NNMT: variants seen among roughly 807,000 people sequenced by gnomAD.
NNMT encodes nicotinamide N-methyltransferase.
In NNMT, 10 loss-of-function variants were observed where a neutral mutation model predicts 11.7. That is an observed-to-expected ratio of 0.85 (90% CI 0.53 to 1.45). NNMT has a LOEUF of 1.45. Ranked by LOEUF, NNMT falls within the 40% of genes most tolerant of loss-of-function variation. NNMT has a pLI of 0.00. For missense variants in NNMT, 381 were observed against 319.4 expected (o/e 1.19, Z -1.47); for synonymous variants, 143 against 133.8 (o/e 1.07, Z -0.48).
chr11:114,258,424 G>A (rs975804160), intron 1 of NNMT, among the ~76,000 whole-genome samples: 3 of 152,224 alleles, frequency 2.0e-5, no homozygotes, highest in Admixed American at 2.0e-4. Context: ...GTTGCAGCCC[G>A]TGAGAAGAGG....
chr11:114,299,768 T>G (rs993901064), intron 2 of NNMT, among the ~76,000 whole-genome samples: 3 of 151,238 alleles, frequency 2.0e-5, no homozygotes, highest in African/African-American at 7.3e-5. Context: ...TTTGTCCTTT[T>G]TATCTTGGTT....
chr11:114,270,472 A>G (rs1379714521), intron 2 of NNMT: 1 of 152,070 alleles, frequency 6.6e-6, no homozygotes, highest in Non-Finnish European at 1.5e-5. Flanking sequence ...GCAGAGGGAG[A>G]GTGATTTCCC....
chr11:114,293,986 A>T (rs963525739), upstream of NNMT, among the ~76,000 whole-genome samples: 1 of 152,190 alleles, frequency 6.6e-6, no homozygotes. Flanking sequence ...ATTTGCAATA[A>T]CATGGATGGA....
chr11:114,287,716 T>G (rs1945308948), intron 2 of NNMT, among the ~76,000 whole-genome samples: 1 of 152,202 alleles, frequency 6.6e-6, no homozygotes, highest in African/African-American at 2.4e-5. Context: ...GAGTAACTAC[T>G]CTTGGCCCTT....
chr11:114,275,433 C>G (rs920602626), intron 2 of NNMT, among the ~76,000 whole-genome samples: 1 of 152,158 alleles, frequency 6.6e-6, no homozygotes, highest in African/African-American at 2.4e-5. Context: ...ATGGACCAGG[C>G]AGAGAAAGAA....
At chr11:114,303,020 T>C (rs1226361217) in intron 2 of NNMT, among the ~76,000 whole-genome samples, 7 of 152,348 alleles carry the variant, frequency 4.6e-5, no homozygotes, top group Admixed American at 2.0e-4. Flanking sequence ...TAAATTTCTG[T>C]TGTTTATGAG....
chr11:114,298,229 G>A, intron 2 of NNMT, 71 bp downstream of exon 2: 1 of 1,326,784 alleles, frequency 7.5e-7, no homozygotes, highest in Non-Finnish European at 1.1e-6. Context: ...GCAACAGACA[G>A]ATAGGGACCA....
intron 2 of NNMT, among the ~76,000 whole-genome samples, chr11:114,273,617 A>G (rs958680978): frequency 2.6e-5 from 4 of 152,158 alleles, no homozygotes; most frequent in Admixed American, 6.5e-5. Flanking sequence ...GGGTGGGTGG[A>G]TCACCTGAGG....
chr11:114,290,641 C>T (rs1028504533), intron 2 of NNMT, among the ~76,000 whole-genome samples: 2 of 152,188 alleles, frequency 1.3e-5, no homozygotes, highest in African/African-American at 4.8e-5. Flanking sequence ...GAATCACCCA[C>T]ATGTTGGCCT....
At chr11:114,307,871 C>T (rs548303535) in intron 2 of NNMT, among the ~76,000 whole-genome samples, 39 of 152,052 alleles carry the variant, frequency 2.6e-4, no homozygotes, top group African/African-American at 9.2e-4. Context: ...AGGAGCTTTT[C>T]CTGATCCTCT....
rs531330345 is a variant in NNMT, at chr11:114,266,124, C to T, written c.-130+3190C>T. On this transcript the variant is annotated intron_variant, in intron 2 of 4. Transcript: ENST00000535401. ...CCTCCTACTTACATTCATTTCTTCTCGGGAAATTGTCAGTTATTACCTGAA... is the reference window on the plus strand; with the variant it reads ...CCTCCTACTTACATTCATTTCTTCTTGGGAAATTGTCAGTTATTACCTGAA... Among the ~76,000 whole-genome samples, 10 of 152,248 alleles carry T rather than the reference C, an allele frequency of 6.6e-5. No homozygotes were observed. In the South Asian group the frequency reaches 1.5e-3, roughly 22 times the overall value.
At chr11:114,286,355 T>C (rs1390277579) in intron 2 of NNMT, among the ~76,000 whole-genome samples, 1 of 152,172 alleles carries the variant, frequency 6.6e-6, no homozygotes, top group Non-Finnish European at 1.5e-5. Flanking sequence ...CTGGTTAGCA[T>C]TGCAGGATTT....
At position 114,313,510 on chromosome 11, in the gene NNMT, A is replaced by G. The variant is rs2135289344; in HGVS notation, c.*1033A>G. 6.6e-6 allele frequency among the ~76,000 whole-genome samples: 1 copy of G among 152,294 alleles called. No individual in the cohort carries two copies. The highest frequency in any genetic ancestry group is 2.4e-5 in the African/African-American group (1 of 41,578). Reference sequence around the variant, plus strand: ...ATAATAAATAAATAATAAATAAAATAAAATAAAGTGAATTGTTACATGTAA... The same window carrying G: ...ATAATAAATAAATAATAAATAAAATGAAATAAAGTGAATTGTTACATGTAA... On this transcript the variant is annotated 3_prime_UTR_variant, in exon 3 of 3. Transcript: ENST00000299964.
intron 2 of NNMT, among the ~76,000 whole-genome samples, chr11:114,303,522 G>T (rs1416285908): frequency 6.6e-6 from 1 of 152,096 alleles, no homozygotes; most frequent in Non-Finnish European, 1.5e-5. Flanking sequence ...TCTAGATATT[G>T]AGTCTTTAAT....
intron 2 of NNMT, among the ~76,000 whole-genome samples, chr11:114,277,952 TTC>T (rs1945226586): frequency 6.6e-6 from 1 of 152,228 alleles, no homozygotes; most frequent in South Asian, 2.1e-4. Context: ...CTGCCTCTTT[TTC>T]TCTCCGTTAG....
chr11:114,285,287 A>T (rs1032852865), intron 2 of NNMT, among the ~76,000 whole-genome samples: 1 of 152,202 alleles, frequency 6.6e-6, no homozygotes, highest in Admixed American at 6.5e-5. Context: ...ATGGATTTTC[A>T]ACCCAAAGCT....
intron 2 of NNMT, among the ~76,000 whole-genome samples, chr11:114,308,892 T>C (rs1476809254): frequency 6.6e-6 from 1 of 152,176 alleles, no homozygotes; most frequent in Non-Finnish European, 1.5e-5. Flanking sequence ...CCCTCTCAAA[T>C]TGGCACATTC....
intron 1 of NNMT, among the ~76,000 whole-genome samples, chr11:114,259,347 T>TG (rs762411732): frequency 0.22 from 25,518 of 113,592 alleles, 3,193 homozygotes; most frequent in Middle Eastern, 0.29. Context: ...AGAGGCCCAG[T>TG]GGGGGGGGGG....
At chr11:114,295,349 A>T (rs1289284299), upstream of NNMT, among the ~76,000 whole-genome samples, 1 of 149,660 alleles carries the variant, frequency 6.7e-6, no homozygotes, top group Non-Finnish European at 1.5e-5. Flanking sequence ...TTTAGCGGGG[A>T]GTGAGCTGAA....
Sources: allele counts gnomAD v4.1 joint callset (sites outside exome capture counted in the v4.1 genomes callset), GRCh38; gene constraint gnomAD v4.1.1; transcripts MANE v1.5; gene names NCBI Gene and HGNC (gene_info 2026-07-23, HGNC 2026-07-21).